The following ANGPT2 variants were observed in gnomAD, a reference collection of about 807,000 sequenced individuals.
ANGPT2 encodes angiopoietin-2.
Under a neutral mutation model 62.9 loss-of-function variants are expected in ANGPT2, and 28 were observed. The ratio of observed to expected loss-of-function variants is 0.44; its 90% confidence interval spans 0.33 to 0.61. The LOEUF is 0.61. Among genes scored for constraint, ANGPT2 ranks in the 20% least tolerant of loss-of-function variants. ANGPT2 has a pLI of 0.03. For missense variants in ANGPT2, 727 were observed against 594.9 expected, an observed-to-expected ratio of 1.22 and a Z score of -2.31; for synonymous variants, 284 against 207.8, an observed-to-expected ratio of 1.37 and a Z score of -3.15.
intron 1 of ANGPT2, among the ~76,000 whole-genome samples, chr8:6,545,237 A>G (rs1035348047): frequency 1.3e-5 from 2 of 152,198 alleles, no homozygotes; most frequent in African/African-American, 4.8e-5. Flanking sequence ...AGTGCTGAAA[A>G]TGTTTCCTAG....
intron 6 of ANGPT2, 52 bp downstream of exon 6, chr8:6,514,624 AG>A (rs1815876154): frequency 6.7e-7 from 1 of 1,497,268 alleles, no homozygotes; most frequent in African/African-American, 1.4e-5. Context: ...AGATCTTGAA[AG>A]CTATTTTTCA....
Position 6,514,607 on chromosome 8 carries a change from G to C in ANGPT2, c.1029+70C>G, listed in dbSNP as rs1331723408. 3.6e-6 allele frequency: 5 copies of C among 1,375,946 alleles called. 1 individual carries two copies. Among genetic ancestry groups the C allele is most frequent in the Middle Eastern group, 3.6e-4 (2 of 5,590 alleles). The allele number at this position is 1,375,946 out of a possible 1,614,324, so 85.2% of individuals were successfully genotyped here. On this transcript the variant is annotated intron_variant, in intron 6 of 8. Coordinates refer to ENST00000629816, the MANE Select transcript of ANGPT2 (RefSeq NM_001118887.2). ...GGTTAGTTTGGGATTGGTGGTTAAG[G>C]TTCCGCAGATCTTGAAAGCTATTTT...
chr8:6,539,625 C>G (rs930085494), intron 1 of ANGPT2, among the ~76,000 whole-genome samples: 1 of 152,102 alleles, frequency 6.6e-6, no homozygotes, highest in African/African-American at 2.4e-5. Context: ...CTCGCTCTGT[C>G]TCTCAGGCTG....
intron 1 of ANGPT2, among the ~76,000 whole-genome samples, chr8:6,546,546 T>A (rs183906335): frequency 1.6e-3 from 238 of 152,088 alleles, no homozygotes; most frequent in Admixed American, 2.6e-3. Flanking sequence ...GATCTTTTTT[T>A]AAAACTCAAT....
At chr8:6,524,934 G>C (rs1818047581) in intron 3 of ANGPT2, among the ~76,000 whole-genome samples, 1 of 152,218 alleles carries the variant, frequency 6.6e-6, no homozygotes, top group Admixed American at 6.5e-5. Context: ...ATGGCTTCCT[G>C]TGTCACAAGG....
chr8:6,504,963 C>G (rs943123254), intron 8 of ANGPT2, among the ~76,000 whole-genome samples: 3 of 151,700 alleles, frequency 2.0e-5, no homozygotes, highest in African/African-American at 7.3e-5. Flanking sequence ...ATCTCAACAA[C>G]ACTGTGTTGG....
At chr8:6,555,974 G>A (rs1824540092) in intron 1 of ANGPT2, among the ~76,000 whole-genome samples, 1 of 152,168 alleles carries the variant, frequency 6.6e-6, no homozygotes, top group Admixed American at 6.5e-5. Context: ...GAACAAAGCT[G>A]TGCTCTCAGC....
intron 3 of ANGPT2, among the ~76,000 whole-genome samples, chr8:6,521,632 G>C (rs1238554804): frequency 2.0e-5 from 3 of 152,168 alleles, no homozygotes; most frequent in Non-Finnish European, 4.4e-5. Context: ...GTATGTACAT[G>C]CAGACTTATG....
rs1823156308 is a variant in ANGPT2 at position 6,549,256 on chromosome 8, C to T, written c.288+13391G>A. On this transcript the variant is annotated intron_variant, in intron 1 of 8. Coordinates refer to ENST00000629816, the MANE Select transcript of ANGPT2 (RefSeq NM_001118887.2). ...CCATGGGTACGTAAATTGTGTTATA[C>T]AGCGAAACACTGCACGGTGATGGAA... Among the ~76,000 whole-genome samples, 3 of 152,230 alleles carry T rather than the reference C, an allele frequency of 2.0e-5. 1 individual carries two copies. The South Asian group carries it at 6.2e-4, about 32-fold the overall frequency.
chr8:6,525,546 A>G (rs963256594), intron 3 of ANGPT2, among the ~76,000 whole-genome samples: 38 of 152,218 alleles, frequency 2.5e-4, no homozygotes, highest in Non-Finnish European at 5.0e-4. Flanking sequence ...TATTCTATAA[A>G]GAAAGCAATT....
chr8:6,512,354 A>C (rs1339964084), intron 7 of ANGPT2, among the ~76,000 whole-genome samples: 4 of 152,188 alleles, frequency 2.6e-5, no homozygotes, highest in African/African-American at 9.7e-5. Flanking sequence ...GTCTCCTTTC[A>C]GACTGTTCAG....
intron 6 of ANGPT2, among the ~76,000 whole-genome samples, chr8:6,514,310 C>T (rs1253989494): frequency 2.0e-5 from 3 of 152,188 alleles, no homozygotes; most frequent in Non-Finnish European, 2.9e-5. Context: ...CTGCCTCAGC[C>T]TCCTGAGTAG....
intron 5 of ANGPT2, among the ~76,000 whole-genome samples, chr8:6,518,091 G>T (rs1035173423): frequency 2.0e-5 from 3 of 152,076 alleles, no homozygotes; most frequent in African/African-American, 7.2e-5. Context: ...GGGCCATGGG[G>T]TGGGACAGTG....
intron 3 of ANGPT2, among the ~76,000 whole-genome samples, chr8:6,527,014 C>T (rs1020594225): frequency 3.9e-5 from 6 of 152,314 alleles, no homozygotes; most frequent in African/African-American, 7.2e-5. Flanking sequence ...TGTGCATTGG[C>T]TTACAGTATA....
intron 8 of ANGPT2, 151 bp downstream of exon 8, chr8:6,508,781 A>G (rs1814315853): frequency 8.7e-7 from 1 of 1,143,980 alleles, no homozygotes; most frequent in Non-Finnish European, 1.3e-6. Flanking sequence ...AAAAAAGTGA[A>G]AAACACATTT....
At chr8:6,526,871 A>C (rs1431222120) in intron 3 of ANGPT2, among the ~76,000 whole-genome samples, 1 of 152,168 alleles carries the variant, frequency 6.6e-6, no homozygotes, top group Non-Finnish European at 1.5e-5. Context: ...GTCCCCACCT[A>C]TCCCCTACAA....
chr8:6,523,334 A>T (rs1817721567), intron 3 of ANGPT2, among the ~76,000 whole-genome samples: 1 of 152,212 alleles, frequency 6.6e-6, no homozygotes, highest in Non-Finnish European at 1.5e-5. Flanking sequence ...AGCTGGTAAA[A>T]TTATGCCATG....
intron 3 of ANGPT2, 119 bp downstream of exon 3, chr8:6,527,436 C>G (rs1818537766): frequency 7.8e-7 from 1 of 1,278,676 alleles, no homozygotes; most frequent in Non-Finnish European, 1.1e-6. Flanking sequence ...CATGAGGTTT[C>G]TGACCCTTAC....
At chr8:6,539,164 C>T (rs567332484) in intron 1 of ANGPT2, among the ~76,000 whole-genome samples, 3 of 152,300 alleles carry the variant, frequency 2.0e-5, no homozygotes, top group Admixed American at 6.5e-5. Context: ...AGCACTTTGT[C>T]CTCCTAAACC....
Sources: allele counts gnomAD v4.1 joint callset (sites outside exome capture counted in the v4.1 genomes callset), GRCh38; gene constraint gnomAD v4.1.1; transcripts MANE v1.5; gene names NCBI Gene and HGNC (gene_info 2026-07-23, HGNC 2026-07-21).